GDPD4: variants seen among roughly 807,000 people sequenced by gnomAD.
GDPD4 encodes glycerophosphodiester phosphodiesterase 6.
In GDPD4, 60 loss-of-function variants were observed where a neutral mutation model predicts 67.8. The observed-to-expected ratio is 0.88, with a 90% CI of 0.72 to 1.10. The LOEUF (loss-of-function observed/expected upper bound fraction) is 1.10, where lower values mean the gene tolerates loss of function less well. Ranked by LOEUF, GDPD4 falls within the 50% of genes least tolerant of loss-of-function variation. The probability of loss-of-function intolerance (pLI) is 0.00; values close to 1 mark genes in which losing one functional copy is unlikely to be tolerated. For synonymous variants in GDPD4, 212 were observed against 210.9 expected, an observed-to-expected ratio of 1.00 and a Z score of -0.04; for missense variants, 623 against 613.9, an observed-to-expected ratio of 1.01 and a Z score of -0.16.
rs113613967 is a variant in GDPD4 at position 77,260,971 on chromosome 11, T to C, written c.708-2429A>G. 3.4e-3 allele frequency among the ~76,000 whole-genome samples: 514 copies of C among 151,950 alleles called. 1 individual carries two copies. Among genetic ancestry groups the C allele is most frequent in the African/African-American group, 0.012 (478 of 41,468 alleles). On this transcript the variant is annotated intron_variant, in intron 10 of 16. Transcript: ENST00000315938. ...ATGGAGTCCTAAAAAAGAAGGGAGGTGCAGAAAAAAACATTTCAAAAAGTA... is the reference window on the plus strand; with the variant it reads ...ATGGAGTCCTAAAAAAGAAGGGAGGCGCAGAAAAAAACATTTCAAAAAGTA...
At chr11:77,285,591 T>A (rs1959961298) in intron 2 of GDPD4, among the ~76,000 whole-genome samples, 1 of 152,212 alleles carries the variant, frequency 6.6e-6, no homozygotes, top group African/African-American at 2.4e-5. Context: ...GTTCATTTAG[T>A]CATCAATCTA....
intron 10 of GDPD4, among the ~76,000 whole-genome samples, chr11:77,259,085 T>C (rs1454047803): frequency 6.6e-6 from 1 of 152,166 alleles, no homozygotes; most frequent in Non-Finnish European, 1.5e-5. Context: ...CACAAGTGAT[T>C]CTTCTGCCTC....
intron 5 of GDPD4, among the ~76,000 whole-genome samples, chr11:77,271,722 T>G (rs1959231591): frequency 6.6e-6 from 1 of 152,234 alleles, no homozygotes; most frequent in African/African-American, 2.4e-5. Context: ...ATTCAACAGT[T>G]GCCATTAAAT....
At chr11:77,261,568 G>A (rs1959118882) in intron 10 of GDPD4, among the ~76,000 whole-genome samples, 1 of 152,140 alleles carries the variant, frequency 6.6e-6, no homozygotes, top group Non-Finnish European at 1.5e-5. Flanking sequence ...TCAACTGACT[G>A]CCCTCCAGAC....
chr11:77,276,848 G>C (rs1959492369), intron 4 of GDPD4, among the ~76,000 whole-genome samples: 2 of 152,004 alleles, frequency 1.3e-5, no homozygotes, highest in Admixed American at 1.3e-4. Flanking sequence ...ATAATTTCAT[G>C]TGTATTTCAT....
At chr11:77,248,051 C>CAAAAA (rs34252021) in intron 11 of GDPD4, among the ~76,000 whole-genome samples, 53 of 61,708 alleles carry the variant, frequency 8.6e-4, no homozygotes, top group East Asian at 2.2e-3. Context: ...AACTCCGTCT[C>CAAAAA]AAAAAAAAAA....
At chr11:77,237,415 T>C (rs1318821552) in intron 13 of GDPD4, among the ~76,000 whole-genome samples, 4 of 152,156 alleles carry the variant, frequency 2.6e-5, no homozygotes, top group Admixed American at 6.5e-5. Flanking sequence ...AAAATGAATA[T>C]AAAATTTTCA....
intron 10 of GDPD4, among the ~76,000 whole-genome samples, chr11:77,266,855 C>A (rs1325257511): frequency 6.6e-6 from 1 of 152,152 alleles, no homozygotes; most frequent in Non-Finnish European, 1.5e-5. Flanking sequence ...AGTGTTATCA[C>A]AAGAGTCAAA....
intron 16 of GDPD4, 91 bp from the exon 17 acceptor site, chr11:77,217,405 A>G: frequency 1.9e-6 from 2 of 1,032,608 alleles, no homozygotes; most frequent in South Asian, 2.5e-5. Flanking sequence ...CTTAAATGTT[A>G]GCCACTCCCT....
chr11:77,223,460 T>C (rs531088311), intron 16 of GDPD4, among the ~76,000 whole-genome samples: 1 of 152,314 alleles, frequency 6.6e-6, no homozygotes, highest in East Asian at 1.9e-4. Context: ...GCTGCAGGTC[T>C]ATTGGGGGAG....
At chr11:77,296,095 C>T (rs1276463574) in intron 1 of GDPD4, among the ~76,000 whole-genome samples, 1 of 151,202 alleles carries the variant, frequency 6.6e-6, no homozygotes, top group East Asian at 2.0e-4. Flanking sequence ...ACTAAAAATA[C>T]AAAAAATTAG....
intron 5 of GDPD4, among the ~76,000 whole-genome samples, chr11:77,273,812 G>A (rs555764828): frequency 3.3e-5 from 5 of 152,300 alleles, no homozygotes; most frequent in South Asian, 2.1e-4. Flanking sequence ...GTGCTGGAAC[G>A]GTATCACCTA....
chr11:77,300,879 T>C (rs1247876395), intron 1 of GDPD4, among the ~76,000 whole-genome samples: 2 of 152,194 alleles, frequency 1.3e-5, no homozygotes, highest in Non-Finnish European at 2.9e-5. Flanking sequence ...ACTGCATATA[T>C]ATAGAACTTG....
chr11:77,285,010 G>A (rs761223843), intron 3 of GDPD4, 75 bp downstream of exon 3: 1 of 1,066,782 alleles, frequency 9.4e-7, no homozygotes, highest in Non-Finnish European at 1.4e-6. Context: ...GATCTTTTCA[G>A]CCTGAGGTAG....
chr11:77,260,445 C>G (rs760047171), intron 10 of GDPD4, among the ~76,000 whole-genome samples: 4 of 152,148 alleles, frequency 2.6e-5, no homozygotes, highest in Non-Finnish European at 4.4e-5. Context: ...TAACAACTAT[C>G]TGCTAGAAAA....
At chr11:77,242,568 G>A (rs1205315337) in intron 13 of GDPD4, among the ~76,000 whole-genome samples, 18 of 151,942 alleles carry the variant, frequency 1.2e-4, no homozygotes, top group Middle Eastern at 3.2e-3. Context: ...GCCAGGTCTA[G>A]CAAACATATA....
intron 11 of GDPD4, among the ~76,000 whole-genome samples, chr11:77,255,432 C>CG: frequency 6.6e-6 from 1 of 152,076 alleles, no homozygotes; most frequent in East Asian, 1.9e-4. Flanking sequence ...GTCATGGTGG[C>CG]GGGCGCCTGT....
intron 16 of GDPD4, among the ~76,000 whole-genome samples, chr11:77,218,095 C>CT (rs1434869673): frequency 8.1e-6 from 1 of 122,770 alleles, no homozygotes; most frequent in Non-Finnish European, 1.7e-5. Flanking sequence ...CATGAGCTTC[C>CT]ATTTTTTTTT....
intron 10 of GDPD4, among the ~76,000 whole-genome samples, 170 bp from the exon 11 acceptor site, chr11:77,258,712 A>G (rs1419610727): frequency 6.6e-6 from 1 of 152,184 alleles, no homozygotes; most frequent in Non-Finnish European, 1.5e-5. Flanking sequence ...TTTGATGTCA[A>G]TATTTTTCTG....
Sources: allele counts gnomAD v4.1 joint callset (sites outside exome capture counted in the v4.1 genomes callset), GRCh38; gene constraint gnomAD v4.1.1; transcripts MANE v1.5; gene names NCBI Gene and HGNC (gene_info 2026-07-23, HGNC 2026-07-21).